The following ABCC1 variants were observed in gnomAD, a reference collection of about 807,000 sequenced individuals.
ABCC1 encodes ATP binding cassette subfamily C member 1 (ABCC1 blood group), also known as multidrug resistance-associated protein 1.
Under a neutral mutation model 172.9 loss-of-function variants are expected in ABCC1, and 83 were observed. The observed-to-expected ratio is 0.48, with a 90% CI of 0.40 to 0.58. ABCC1 has a LOEUF of 0.58. Ranked by LOEUF, ABCC1 falls within the 20% of genes least tolerant of loss-of-function variation. The probability of loss-of-function intolerance (pLI) is 0.00; values close to 1 mark genes in which losing one functional copy is unlikely to be tolerated. For synonymous variants in ABCC1, 937 were observed against 825.2 expected, an observed-to-expected ratio of 1.14 and a Z score of -2.32; for missense variants, 1,817 against 2,002.7, an observed-to-expected ratio of 0.91 and a Z score of 1.77.
intron 16 of ABCC1, among the ~76,000 whole-genome samples, chr16:16,081,547 T>C (rs1465667539): frequency 6.6e-6 from 1 of 152,096 alleles, no homozygotes; most frequent in Non-Finnish European, 1.5e-5. Flanking sequence ...GTTGGTGTGG[T>C]TTGTGTATAT....
chr16:15,957,134 C>T (rs2046015431), intron 1 of ABCC1, among the ~76,000 whole-genome samples: 1 of 151,958 alleles, frequency 6.6e-6, no homozygotes, highest in East Asian at 1.9e-4. Context: ...GGCTGGAGTG[C>T]AGTGGCGCGA....
At chr16:16,131,270 A>G (rs938402185) in intron 26 of ABCC1, among the ~76,000 whole-genome samples, 16 of 152,254 alleles carry the variant, frequency 1.1e-4, no homozygotes, top group African/African-American at 3.9e-4. Context: ...ACAGCTTTAC[A>G]GAAGGTATCT....
intron 5 of ABCC1, among the ~76,000 whole-genome samples, chr16:16,028,596 C>T (rs896465131): frequency 4.6e-5 from 7 of 152,030 alleles, no homozygotes; most frequent in African/African-American, 9.7e-5. Flanking sequence ...TCAGCTCTTC[C>T]GGATGAAAAA....
At chr16:16,066,858 G>A (rs1274013489) in intron 12 of ABCC1, among the ~76,000 whole-genome samples, 4 of 151,210 alleles carry the variant, frequency 2.6e-5, no homozygotes, top group Non-Finnish European at 5.9e-5. Flanking sequence ...AACTGCGATC[G>A]CACCACTGCA....
Position 16,141,739 on chromosome 16 carries a change from T to A in ABCC1, c.*458T>A, listed in dbSNP as rs1596568238. The A allele has an allele frequency of 3.0e-5, 5 of 165,140 alleles. No individual in the cohort carries two copies. In the South Asian group the frequency reaches 9.1e-4, roughly 30 times the overall value. 10.2% of individuals were successfully genotyped at this position (165,140 alleles called of 1,614,324 possible). A position where few individuals can be genotyped will look rare whatever the true frequency, so the allele number is the denominator to read the frequency against. Reference sequence around the variant, plus strand: ...CTTCTGGCTCCCATCACCTCTAACATCCTTGTCTGGGTCTACCAGGAACGC... The same window carrying A: ...CTTCTGGCTCCCATCACCTCTAACAACCTTGTCTGGGTCTACCAGGAACGC... On this transcript the variant is annotated 3_prime_UTR_variant, in exon 31 of 31. Transcript: ENST00000399410.
chr16:16,009,416 T>C (rs1014620862), intron 2 of ABCC1, among the ~76,000 whole-genome samples: 1 of 152,184 alleles, frequency 6.6e-6, no homozygotes, highest in Non-Finnish European at 1.5e-5. Context: ...ACTGGTTGAA[T>C]GAATGGTTGT....
upstream of ABCC1, chr16:15,949,611 G>GTGC: frequency 6.1e-6 from 1 of 162,752 alleles, no homozygotes; most frequent in Middle Eastern, 2.6e-3. Flanking sequence ...CCGGCTCCCT[G>GTGC]CGCCGCCGCC....
intron 29 of ABCC1, among the ~76,000 whole-genome samples, chr16:16,137,161 G>T (rs889719637): frequency 5.3e-5 from 8 of 152,176 alleles, no homozygotes; most frequent in Admixed American, 5.2e-4. Flanking sequence ...AAAGCCTCAG[G>T]CATGTTCAAC....
chr16:16,015,970 T>G (rs931274552), intron 4 of ABCC1, among the ~76,000 whole-genome samples: 6 of 151,938 alleles, frequency 3.9e-5, no homozygotes, highest in African/African-American at 1.5e-4. Flanking sequence ...TTGATACAGC[T>G]CTGTTTCACT....
chr16:16,119,258 T>C (rs867482419), intron 23 of ABCC1, among the ~76,000 whole-genome samples: 1 of 152,018 alleles, frequency 6.6e-6, no homozygotes, highest in Non-Finnish European at 1.5e-5. Context: ...CTGAGCAACA[T>C]GGGAAAACCT....
At chr16:16,024,132 T>C (rs571491169) in intron 5 of ABCC1, among the ~76,000 whole-genome samples, 55 of 152,160 alleles carry the variant, frequency 3.6e-4, no homozygotes, top group African/African-American at 1.2e-3. Flanking sequence ...GGCAGGAGAA[T>C]TGCTTGAACC....
intron 22 of ABCC1, among the ~76,000 whole-genome samples, chr16:16,111,903 G>A (rs1372904525): frequency 6.6e-6 from 1 of 152,216 alleles, no homozygotes; most frequent in Non-Finnish European, 1.5e-5. Context: ...CTTTGTCACA[G>A]TGACAGAGCT....
At chr16:16,010,512 G>A (rs556271739) in intron 3 of ABCC1, among the ~76,000 whole-genome samples, 9 of 152,226 alleles carry the variant, frequency 5.9e-5, no homozygotes, top group African/African-American at 2.2e-4. Context: ...ACTGCCTGGG[G>A]TCTAATGGCC....
intron 19 of ABCC1, chr16:16,095,075 C>T (rs1359742855): frequency 6.6e-6 from 1 of 152,310 alleles, no homozygotes; most frequent in East Asian, 1.9e-4. Context: ...GCCTCAGCCT[C>T]CCAAAGTGTT....
chr16:16,070,342 T>A (rs1375355832), intron 13 of ABCC1, among the ~76,000 whole-genome samples: 2 of 151,486 alleles, frequency 1.3e-5, no homozygotes, highest in African/African-American at 4.9e-5. Context: ...CACTCCAGCC[T>A]GGGCAACAGA....
intron 12 of ABCC1, among the ~76,000 whole-genome samples, chr16:16,065,055 G>A (rs1296246702): frequency 6.6e-6 from 1 of 152,186 alleles, no homozygotes; most frequent in East Asian, 1.9e-4. Flanking sequence ...AGTAGCAAGA[G>A]CATGTGCAAA....
At chr16:16,136,689 C>A (rs755943203) in intron 29 of ABCC1, 45 bp downstream of exon 29, 1 of 1,598,920 alleles carries the variant, frequency 6.3e-7, no homozygotes, top group South Asian at 1.1e-5. Flanking sequence ...GTGTCCTAGG[C>A]GCCATCTCGG....
intron 26 of ABCC1, among the ~76,000 whole-genome samples, chr16:16,127,715 G>A (rs1041322696): frequency 6.6e-6 from 1 of 152,070 alleles, no homozygotes. Context: ...CAAGGCCTCT[G>A]TAAGGTCTGT....
chr16:16,038,183 T>TGATGGATG (rs544621189), intron 7 of ABCC1, among the ~76,000 whole-genome samples: 1 of 151,700 alleles, frequency 6.6e-6, no homozygotes, highest in East Asian at 1.9e-4. Flanking sequence ...GATTGATAGA[T>TGATGGATG]GATGGATGGA....
Sources: gnomAD v4.1 joint callset for allele counts (sites outside exome capture counted in the v4.1 genomes callset) on GRCh38, gnomAD v4.1.1 for gene constraint, MANE v1.5 for transcripts, NCBI Gene and HGNC (gene_info 2026-07-23, HGNC 2026-07-21) for gene names.